Variants in RAB2A observed in about 807,000 individuals in gnomAD.
The protein encoded by RAB2A is ras-related protein Rab-2A.
RAB2A carries 7 observed loss-of-function variants against 32.5 expected under a neutral mutation model. The observed-to-expected ratio is 0.22, with a 90% CI of 0.12 to 0.40. The LOEUF (loss-of-function observed/expected upper bound fraction) is 0.40, where lower values mean the gene tolerates loss of function less well. Ranked by LOEUF, RAB2A falls within the 10% of genes least tolerant of loss-of-function variation. The probability of loss-of-function intolerance (pLI) is 1.00; values close to 1 mark genes in which losing one functional copy is unlikely to be tolerated. For synonymous variants in RAB2A, 79 were observed against 85.2 expected, an observed-to-expected ratio of 0.93 and a Z score of 0.40; for missense variants, 108 against 260.7, an observed-to-expected ratio of 0.41 and a Z score of 4.03.
intron 1 of RAB2A, among the ~76,000 whole-genome samples, chr8:60,527,381 G>A (rs1006780329): frequency 3.9e-5 from 6 of 152,232 alleles, no homozygotes; most frequent in Admixed American, 3.9e-4. Context: ...AATAAGATCA[G>A]AAGAGGTTTA....
intron 1 of RAB2A, among the ~76,000 whole-genome samples, chr8:60,538,854 A>G (rs1165963359): frequency 1.3e-5 from 2 of 152,230 alleles, no homozygotes; most frequent in African/African-American, 4.8e-5. Flanking sequence ...AAGGCAGTCA[A>G]TTGAAAACTG....
At chr8:60,573,258 C>T (rs1586090647) in intron 3 of RAB2A, among the ~76,000 whole-genome samples, 1 of 152,176 alleles carries the variant, frequency 6.6e-6, no homozygotes, top group Non-Finnish European at 1.5e-5. Flanking sequence ...TCTAAACCAG[C>T]AAATGAGATA....
In RAB2A at chr8:60,525,963, ATATATGTC is replaced by A. The variant is rs1311854189; in HGVS notation, c.46+8726_46+8733del. On this transcript the variant is annotated intron_variant, in intron 1 of 7. Transcript: ENST00000262646. ...TATGTCTATATATGTATATATGTAT[ATATATGTC>A]TATATGTCTATATGTATATATGTCT... Among the ~76,000 whole-genome samples the A allele has an allele frequency of 8.6e-4, 126 of 146,596 alleles. 1 individual carries two copies. The highest frequency in any genetic ancestry group is 2.6e-3 in the Admixed American group (38 of 14,618).
At chr8:60,553,598 A>G (rs888481651) in intron 1 of RAB2A, among the ~76,000 whole-genome samples, 6 of 152,220 alleles carry the variant, frequency 3.9e-5, no homozygotes, top group African/African-American at 1.2e-4. Flanking sequence ...TTTTGTATCT[A>G]TATATTTAAT....
At chr8:60,558,258 C>A in intron 1 of RAB2A, 1 of 405,984 alleles carries the variant, frequency 2.5e-6, no homozygotes, top group South Asian at 1.8e-5. Flanking sequence ...CCTTAGAGGG[C>A]AAGTAGGATG....
At chr8:60,536,494 T>C (rs907802990) in intron 1 of RAB2A, among the ~76,000 whole-genome samples, 9 of 152,250 alleles carry the variant, frequency 5.9e-5, no homozygotes, top group Non-Finnish European at 1.0e-4. Context: ...TATTGAAATA[T>C]ATTTCTGAAA....
chr8:60,566,094 A>G (rs979004650), intron 2 of RAB2A, among the ~76,000 whole-genome samples: 2 of 152,194 alleles, frequency 1.3e-5, no homozygotes, highest in East Asian at 3.8e-4. Flanking sequence ...AATCTGGAGA[A>G]AGTTAAATTC....
chr8:60,577,291 T>G (rs965051832), intron 3 of RAB2A, among the ~76,000 whole-genome samples: 1 of 152,136 alleles, frequency 6.6e-6, no homozygotes, highest in Non-Finnish European at 1.5e-5. Flanking sequence ...TCAAGCAATC[T>G]GCCCACCTTG....
intron 6 of RAB2A, among the ~76,000 whole-genome samples, chr8:60,599,201 A>G (rs1804087787): frequency 6.6e-6 from 1 of 152,136 alleles, no homozygotes; most frequent in Non-Finnish European, 1.5e-5. Context: ...AAAATGAAAT[A>G]CTTAGGGGTG....
chr8:60,544,224 G>C (rs1807692103), intron 1 of RAB2A, among the ~76,000 whole-genome samples: 1 of 151,292 alleles, frequency 6.6e-6, no homozygotes, highest in South Asian at 2.1e-4. Context: ...ATTTTTAGTA[G>C]AGACAGGGTT....
intron 1 of RAB2A, among the ~76,000 whole-genome samples, chr8:60,548,812 G>A (rs1474653039): frequency 2.7e-5 from 4 of 148,632 alleles, no homozygotes; most frequent in South Asian, 2.1e-4. Context: ...CTGGCCGGGC[G>A]GGGGGCTGAC....
At chr8:60,554,094 T>A (rs1235158550) in intron 1 of RAB2A, among the ~76,000 whole-genome samples, 2 of 152,252 alleles carry the variant, frequency 1.3e-5, no homozygotes, top group African/African-American at 4.8e-5. Context: ...TGTACTGTTT[T>A]GAAGAGCTTG....
At chr8:60,591,524 A>C (rs1803944990) in intron 5 of RAB2A, among the ~76,000 whole-genome samples, 1 of 152,124 alleles carries the variant, frequency 6.6e-6, no homozygotes, top group Non-Finnish European at 1.5e-5. Context: ...CTGCTCTTTC[A>C]AATTATGTTA....
In RAB2A at chr8:60,621,256, G is replaced by C. The variant is rs1804520908; in HGVS notation, c.*487G>C. ...GTATATATAGTTTAATAACCTGCTT[G>C]GGTGTAATTTGCCAAGCTTGAATTC... On this transcript the variant is annotated 3_prime_UTR_variant, in exon 8 of 8. Transcript: ENST00000262646. 1 of 152,400 alleles carries C rather than the reference G, an allele frequency of 6.6e-6. No homozygotes were observed. Among genetic ancestry groups the C allele is most frequent in the African/African-American group, 2.4e-5 (1 of 41,396 alleles). The allele number at this position is 152,400 out of a possible 1,614,324, so 9.4% of individuals were successfully genotyped here. A position where few individuals can be genotyped will look rare whatever the true frequency, so the allele number is the denominator to read the frequency against.
At chr8:60,571,018 G>A (rs1040710999) in intron 2 of RAB2A, among the ~76,000 whole-genome samples, 3 of 152,132 alleles carry the variant, frequency 2.0e-5, no homozygotes, top group Admixed American at 6.5e-5. Context: ...ACTCTAGGCA[G>A]TAATGACTTG....
At chr8:60,555,926 T>TA (rs1807931068) in intron 1 of RAB2A, among the ~76,000 whole-genome samples, 1 of 152,224 alleles carries the variant, frequency 6.6e-6, no homozygotes, top group African/African-American at 2.4e-5. Flanking sequence ...GTTGCAGCAC[T>TA]ATTCACAGTA....
intron 1 of RAB2A, among the ~76,000 whole-genome samples, chr8:60,557,214 A>C (rs1265816852): frequency 1.3e-5 from 2 of 152,190 alleles, no homozygotes; most frequent in Non-Finnish European, 2.9e-5. Context: ...TCATTTCTTC[A>C]GAAAGATTTT....
chr8:60,613,755 T>C (rs1357076867), intron 6 of RAB2A, among the ~76,000 whole-genome samples: 2 of 152,234 alleles, frequency 1.3e-5, no homozygotes, highest in Admixed American at 1.3e-4. Flanking sequence ...TAAGAAATAG[T>C]GAAAACCTTT....
chr8:60,596,049 A>T (rs1804016962), intron 6 of RAB2A, among the ~76,000 whole-genome samples: 1 of 152,246 alleles, frequency 6.6e-6, no homozygotes, highest in Non-Finnish European at 1.5e-5. Context: ...ATTTGTGGAA[A>T]ATAGCTAAAA....
Sources: allele counts gnomAD v4.1 joint callset (sites outside exome capture counted in the v4.1 genomes callset), GRCh38; gene constraint gnomAD v4.1.1; transcripts MANE v1.5; gene names NCBI Gene and HGNC (gene_info 2026-07-23, HGNC 2026-07-21).